HS2ST1: variants seen among roughly 807,000 people sequenced by gnomAD.
HS2ST1 encodes the protein 2-O-sulfotransferase.
In HS2ST1, 18 loss-of-function variants were observed where a neutral mutation model predicts 42.9. The ratio of observed to expected loss-of-function variants is 0.42; its 90% CI spans 0.29 to 0.62. The LOEUF (loss-of-function observed/expected upper bound fraction) is 0.62. HS2ST1 is among the 20% of genes least tolerant of loss of function. The pLI is 0.21. For synonymous variants in HS2ST1, 146 were observed against 152.9 expected (o/e 0.95, Z 0.33); for missense variants, 334 against 433.8 (o/e 0.77, Z 2.04).
At chr1:86,983,659 G>A (rs12061324) in intron 1 of HS2ST1, among the ~76,000 whole-genome samples, 1 of 151,940 alleles carries the variant, frequency 6.6e-6, no homozygotes, top group Admixed American at 6.6e-5. Flanking sequence ...GTACATCTTA[G>A]CACAACAATA....
intron 1 of HS2ST1, among the ~76,000 whole-genome samples, chr1:87,044,755 C>T (rs569047933): frequency 1.3e-5 from 2 of 152,212 alleles, no homozygotes; most frequent in East Asian, 3.8e-4. Context: ...TTCAGTATAG[C>T]ATACTGCAGT....
intron 1 of HS2ST1, among the ~76,000 whole-genome samples, chr1:86,975,980 G>A (rs1280005324): frequency 6.6e-6 from 1 of 152,270 alleles, no homozygotes; most frequent in East Asian, 1.9e-4. Context: ...CAAATTTAAA[G>A]TGCCATGGCA....
intron 3 of HS2ST1, among the ~76,000 whole-genome samples, chr1:87,090,920 A>G (rs1651924873): frequency 6.6e-6 from 1 of 151,978 alleles, no homozygotes; most frequent in Admixed American, 6.6e-5. Context: ...TTTGCATGGT[A>G]CCTTCCTCAT....
rs1053519825 is a variant in HS2ST1, at chr1:86,914,677, G to A, written c.-360G>A. 10 of 250,456 alleles carry A rather than the reference G, an allele frequency of 4.0e-5. No individual in the cohort carries two copies. Among genetic ancestry groups the A allele is most frequent in the Non-Finnish European group, 7.8e-5 (10 of 128,416 alleles). 15.5% of individuals were successfully genotyped at this position (250,456 alleles called of 1,614,324 possible). A position where few individuals can be genotyped will look rare whatever the true frequency, so the allele number is the denominator to read the frequency against. On this transcript the variant is annotated 5_prime_UTR_variant, in exon 1 of 7. Transcript: ENST00000370550. The stretch of plus-strand genomic sequence containing the variant: ...GGAGGGGCGCGCGGCCGCGAGCAAA[G>A]GAGGGAGGGAAGGAAGGAAGAGAGG...
chr1:87,013,415 G>T (rs901613372), intron 1 of HS2ST1, among the ~76,000 whole-genome samples: 39 of 152,340 alleles, frequency 2.6e-4, no homozygotes, highest in African/African-American at 8.9e-4. Context: ...GCCCCTTTTA[G>T]CCATGGCTAG....
chr1:87,035,799 G>T (rs774181337), intron 1 of HS2ST1, among the ~76,000 whole-genome samples: 2 of 151,576 alleles, frequency 1.3e-5, no homozygotes, highest in Non-Finnish European at 2.9e-5. Flanking sequence ...AGGTTGTTCA[G>T]AGAAGACGAA....
chr1:87,101,699 GTCT>G (rs1437965017), intron 5 of HS2ST1, among the ~76,000 whole-genome samples: 2 of 152,036 alleles, frequency 1.3e-5, no homozygotes, highest in Non-Finnish European at 2.9e-5. Context: ...TCTTCTTCCT[GTCT>G]TCTTCTGAGC....
intron 1 of HS2ST1, among the ~76,000 whole-genome samples, chr1:86,963,527 A>G (rs965815863): frequency 1.3e-4 from 20 of 152,218 alleles, no homozygotes; most frequent in African/African-American, 4.8e-4. Flanking sequence ...TTAGTACAGA[A>G]CAAAATGGAG....
rs768139525 is a variant in HS2ST1, at chr1:87,103,419, T to A, written c.687-13T>A. 6.3e-7 allele frequency: 1 copy of A among 1,581,522 alleles called. No homozygotes were observed. Among genetic ancestry groups the A allele is most frequent in the Admixed American group, 1.9e-5 (1 of 53,136 alleles). On this transcript the variant is annotated splice_polypyrimidine_tract_variant and intron_variant, in intron 5 of 6. Coordinates refer to ENST00000370550, the MANE Select transcript of HS2ST1 (RefSeq NM_012262.4). ...TTCACAACCAGGTTTTAATTCCTTT[T>A]CTTTGGTTTCAGGAATGTGGGAAGC...
intron 1 of HS2ST1, among the ~76,000 whole-genome samples, chr1:87,066,436 C>T (rs927638479): frequency 8.5e-5 from 13 of 152,140 alleles, no homozygotes; most frequent in African/African-American, 3.1e-4. Flanking sequence ...CCTGAGATAG[C>T]TTGCATAGCA....
chr1:86,925,544 A>G (rs1262549955), intron 1 of HS2ST1, among the ~76,000 whole-genome samples: 1 of 108 alleles, frequency 9.3e-3, no homozygotes, highest in Admixed American at 0.5. Context: ...GGTAAGTCAC[A>G]TCTTATGTGA....
chr1:87,050,879 G>A (rs539657803), intron 1 of HS2ST1, among the ~76,000 whole-genome samples: 1 of 152,058 alleles, frequency 6.6e-6, no homozygotes, highest in South Asian at 2.1e-4. Context: ...GATTAGTCAG[G>A]TGTGATATAC....
intron 2 of HS2ST1, among the ~76,000 whole-genome samples, chr1:87,074,923 T>C (rs1331575002): frequency 3.3e-5 from 5 of 152,110 alleles, no homozygotes; most frequent in Non-Finnish European, 7.3e-5. Context: ...TGATCTCTTG[T>C]TCTATGTAGA....
chr1:86,939,237 C>T (rs556194741), intron 1 of HS2ST1, among the ~76,000 whole-genome samples: 1 of 152,150 alleles, frequency 6.6e-6, no homozygotes, highest in Non-Finnish European at 1.5e-5. Flanking sequence ...TCATATCACA[C>T]TTACTTTAGA....
At chr1:86,976,029 T>C (rs2102214664) in intron 1 of HS2ST1, among the ~76,000 whole-genome samples, 1 of 152,366 alleles carries the variant, frequency 6.6e-6, no homozygotes, top group Non-Finnish European at 1.5e-5. Flanking sequence ...TTATCTAGCA[T>C]AAAACCAAAG....
intron 1 of HS2ST1, among the ~76,000 whole-genome samples, chr1:86,963,818 C>T (rs1341766698): frequency 3.5e-5 from 5 of 142,172 alleles, no homozygotes; most frequent in African/African-American, 5.2e-5. Context: ...CTGGACGGGG[C>T]GGCTGGCCGG....
At chr1:86,968,989 T>C (rs1199211668) in intron 1 of HS2ST1, among the ~76,000 whole-genome samples, 1 of 152,184 alleles carries the variant, frequency 6.6e-6, no homozygotes, top group African/African-American at 2.4e-5. Context: ...ATAAAAATAT[T>C]TTCATGAAGT....
At chr1:87,060,179 GT>G (rs1357469384) in intron 1 of HS2ST1, among the ~76,000 whole-genome samples, 7 of 152,018 alleles carry the variant, frequency 4.6e-5, no homozygotes, top group Admixed American at 4.6e-4. Flanking sequence ...AGTACAGCAT[GT>G]TTTTCTTTTA....
intron 2 of HS2ST1, among the ~76,000 whole-genome samples, chr1:87,075,786 A>T (rs925185823): frequency 4.6e-5 from 7 of 152,094 alleles, no homozygotes; most frequent in African/African-American, 1.7e-4. Context: ...TTAGAGGCAA[A>T]GCCCAAATAT....
Sources: allele counts gnomAD v4.1 joint callset (sites outside exome capture counted in the v4.1 genomes callset), GRCh38; gene constraint gnomAD v4.1.1; transcripts MANE v1.5; gene names NCBI Gene and HGNC (gene_info 2026-07-23, HGNC 2026-07-21).